DLGAP2: variants seen among roughly 807,000 people sequenced by gnomAD.
DLGAP2 encodes disks large-associated protein 2.
A neutral mutation model predicts 100.3 loss-of-function variants in DLGAP2; 26 were observed. The ratio of observed to expected loss-of-function variants is 0.26; its 90% CI spans 0.19 to 0.36. The LOEUF (loss-of-function observed/expected upper bound fraction) is 0.36. Ranked by LOEUF, DLGAP2 falls within the 10% of genes least tolerant of loss-of-function variation. The pLI is 1.00. For missense variants in DLGAP2, 1,858 were observed against 1,453.2 expected (o/e 1.28, Z -4.53); for synonymous variants, 886 against 630.1 (o/e 1.41, Z -6.08).
chr8:1,053,266 A>C (rs767240024), intron 2 of DLGAP2, among the ~76,000 whole-genome samples: 2 of 152,136 alleles, frequency 1.3e-5, no homozygotes, highest in Non-Finnish European at 2.9e-5. Flanking sequence ...AAATTATTTA[A>C]TGCTATCAGA....
intron 1 of DLGAP2, among the ~76,000 whole-genome samples, chr8:835,856 G>C (rs763533115): frequency 6.6e-6 from 1 of 152,134 alleles, no homozygotes; most frequent in Non-Finnish European, 1.5e-5. Context: ...TGTGGGTCCA[G>C]GCTCACCGTC....
At chr8:1,564,113 C>T (rs913209831) in intron 5 of DLGAP2, among the ~76,000 whole-genome samples, 4 of 152,274 alleles carry the variant, frequency 2.6e-5, no homozygotes, top group South Asian at 2.1e-4. Flanking sequence ...GAGTTCTCTA[C>T]ACTCAGCGAC....
At chr8:819,236 G>A (rs1796541339) in intron 1 of DLGAP2, among the ~76,000 whole-genome samples, 1 of 152,198 alleles carries the variant, frequency 6.6e-6, no homozygotes, top group South Asian at 2.1e-4. Context: ...GTATCCCTAT[G>A]TAGTAATGCA....
At chr8:1,489,405 T>C (rs891903519) in intron 3 of DLGAP2, among the ~76,000 whole-genome samples, 1 of 152,150 alleles carries the variant, frequency 6.6e-6, no homozygotes, top group African/African-American at 2.4e-5. Flanking sequence ...GTGGTGCCAT[T>C]ATCTGTGTGA....
At chr8:1,476,005 C>G (rs1432791307) in intron 3 of DLGAP2, among the ~76,000 whole-genome samples, 1 of 152,166 alleles carries the variant, frequency 6.6e-6, no homozygotes. Context: ...AGCTGGCCAA[C>G]ACTCCTTTTG....
intron 1 of DLGAP2, among the ~76,000 whole-genome samples, chr8:756,184 T>G (rs1820915706): frequency 6.6e-6 from 1 of 151,416 alleles, no homozygotes; most frequent in Non-Finnish European, 1.5e-5. Flanking sequence ...GGGCCACGAG[T>G]GTCTGGGAGG....
intron 3 of DLGAP2, among the ~76,000 whole-genome samples, chr8:1,374,249 GTAA>G (rs924047481): frequency 6.6e-6 from 1 of 152,120 alleles, no homozygotes; most frequent in African/African-American, 2.4e-5. Context: ...AGAGGGCTGT[GTAA>G]TGGAGGTTAC....
chr8:1,409,104 C>T (rs560424095), intron 3 of DLGAP2, among the ~76,000 whole-genome samples: 106 of 151,818 alleles, frequency 7.0e-4, no homozygotes, highest in Non-Finnish European at 7.8e-4. Flanking sequence ...TGGACCACTG[C>T]CCAGTTCCTT....
intron 2 of DLGAP2, among the ~76,000 whole-genome samples, chr8:1,217,048 T>A (rs1039998885): frequency 6.6e-6 from 1 of 152,050 alleles, no homozygotes; most frequent in Non-Finnish European, 1.5e-5. Flanking sequence ...TACAAAAAAT[T>A]TCATCACCCA....
At chr8:953,814 C>T (rs750565488) in intron 2 of DLGAP2, among the ~76,000 whole-genome samples, 1 of 151,824 alleles carries the variant, frequency 6.6e-6, no homozygotes, top group African/African-American at 2.4e-5. Context: ...GCAGCAGAAG[C>T]GCTTTATGGG....
At chr8:1,049,061 A>G (rs1802597825) in intron 2 of DLGAP2, among the ~76,000 whole-genome samples, 1 of 152,230 alleles carries the variant, frequency 6.6e-6, no homozygotes. Flanking sequence ...GTCATTGACC[A>G]GTTACTTCCC....
chr8:913,462 G>A (rs574393049), intron 2 of DLGAP2, among the ~76,000 whole-genome samples: 13 of 152,340 alleles, frequency 8.5e-5, no homozygotes, highest in East Asian at 1.9e-4. Flanking sequence ...AGAGTTTGGC[G>A]TGAGCGTATA....
intron 4 of DLGAP2, among the ~76,000 whole-genome samples, chr8:1,501,924 C>T (rs1799737605): frequency 1.3e-5 from 2 of 152,194 alleles, no homozygotes; most frequent in African/African-American, 4.8e-5. Context: ...GATGCTGGTT[C>T]AAATCACGTG....
intron 6 of DLGAP2, among the ~76,000 whole-genome samples, chr8:1,604,173 G>A (rs1796720291): frequency 6.6e-6 from 1 of 152,202 alleles, no homozygotes; most frequent in South Asian, 2.1e-4. Context: ...CATGGATTCA[G>A]AAATCATTTT....
intron 2 of DLGAP2, among the ~76,000 whole-genome samples, chr8:977,342 C>T (rs1463045641): frequency 6.6e-6 from 1 of 152,224 alleles, no homozygotes; most frequent in African/African-American, 2.4e-5. Flanking sequence ...CTGAGGTGGA[C>T]ACATGCCTTT....
rs138794568 is a variant in DLGAP2 at position 1,433,926 on chromosome 8, G to T, written c.107-67440G>T. On this transcript the variant is annotated intron_variant, in intron 3 of 14. Coordinates refer to ENST00000637795, the MANE Select transcript of DLGAP2 (RefSeq NM_001346810.2). ...TGGGGTCCTTACACTCTCAGAAACC[G>T]AGAATAACACCTCTTTGCAAACCAC... Among the ~76,000 whole-genome samples the T allele has an allele frequency of 1.0e-3, 157 of 152,156 alleles. No homozygotes were observed. In the East Asian group the frequency reaches 0.016, roughly 16 times the overall value.
intron 2 of DLGAP2, among the ~76,000 whole-genome samples, chr8:996,057 G>A (rs1740957588): frequency 6.6e-6 from 1 of 152,144 alleles, no homozygotes; most frequent in Non-Finnish European, 1.5e-5. Context: ...ATTAGACTCA[G>A]GAGAAATCCA....
intron 3 of DLGAP2, among the ~76,000 whole-genome samples, chr8:1,480,739 G>A (rs1228508561): frequency 1.3e-5 from 2 of 151,764 alleles, no homozygotes; most frequent in Non-Finnish European, 2.9e-5. Flanking sequence ...GGTGGTGTAT[G>A]CCTATAATCC....
intron 2 of DLGAP2, among the ~76,000 whole-genome samples, chr8:1,028,196 C>A (rs1268693488): frequency 7.4e-6 from 1 of 135,354 alleles, no homozygotes; most frequent in African/African-American, 2.8e-5. Context: ...GGGTGCCAGG[C>A]GCCCATTATT....
Sources: gnomAD v4.1 joint callset for allele counts (sites outside exome capture counted in the v4.1 genomes callset) on GRCh38, gnomAD v4.1.1 for gene constraint, MANE v1.5 for transcripts, NCBI Gene and HGNC (gene_info 2026-07-23, HGNC 2026-07-21) for gene names.